PLAT: variants seen among roughly 807,000 people sequenced by gnomAD.
PLAT encodes plasminogen activator, tissue type.
Under a neutral mutation model 74.9 loss-of-function variants are expected in PLAT, and 48 were observed. The ratio of observed to expected loss-of-function variants is 0.64; its 90% CI spans 0.51 to 0.82. The LOEUF is 0.82. PLAT is among the 40% of genes least tolerant of loss of function. PLAT has a pLI of 0.00. For synonymous variants in PLAT, 307 were observed against 294.4 expected, an observed-to-expected ratio of 1.04 and a Z score of -0.44; for missense variants, 673 against 736.2, an observed-to-expected ratio of 0.91 and a Z score of 0.99.
At position 42,180,245 on chromosome 8, in the gene PLAT, T is replaced by C; in HGVS notation, c.1219A>G (p.Ile407Val). The change falls in exon 11 of 14, where the codon ATT (isoleucine) becomes GTT (valine). Residue 407 changes from isoleucine (I) to valine (V), a missense_variant. By Grantham distance (29) the Ile-to-Val change is conservative. Coordinates refer to ENST00000220809, the MANE Select transcript of PLAT (RefSeq NM_000930.5). ...GCCGGGAATGACGAGCTCTTACCAA[T>C]GTCATTGTCGTAAGTGTCATCATCG... ...EFDDDTYDND[I>V]ALLQLKSDSS... is the part of the protein sequence containing the mutation. The C allele has an allele frequency of 6.2e-7, 1 of 1,614,194 alleles. No homozygotes were observed. Among genetic ancestry groups the C allele is most frequent in the Non-Finnish European group, 8.5e-7 (1 of 1,180,020 alleles).
intron 1 of PLAT, among the ~76,000 whole-genome samples, chr8:42,194,015 G>A (rs1392443183): frequency 4.5e-5 from 6 of 133,758 alleles, no homozygotes; most frequent in African/African-American, 1.4e-4. Flanking sequence ...CGCCCCCGCT[G>A]CCTTTTTTTC....
At chr8:42,178,264 CTTTTTTTT>C (rs5891180) in intron 13 of PLAT, among the ~76,000 whole-genome samples, 1 of 110,072 alleles carries the variant, frequency 9.1e-6, no homozygotes, top group African/African-American at 3.7e-5. Context: ...ACATTTCTTT[CTTTTTTTT>C]TTTTTTTTTT....
At chr8:42,188,806 A>G in intron 4 of PLAT, 128 bp downstream of exon 4, 1 of 732,466 alleles carries the variant, frequency 1.4e-6, no homozygotes. Flanking sequence ...TATTTTTTGT[A>G]GAGACAGGGG....
At chr8:42,189,740 A>C (rs891602970) in intron 3 of PLAT, among the ~76,000 whole-genome samples, 4 of 150,722 alleles carry the variant, frequency 2.7e-5, no homozygotes, top group Non-Finnish European at 5.9e-5. Context: ...CTGGGATTAC[A>C]GGTGCCCGAT....
At position 42,182,889 on chromosome 8, in the gene PLAT, T is replaced by G. The variant is rs1219646897; in HGVS notation, c.633A>C (p.Gly211=). ...EFCSTPACSE[G]NSDCYFGNGS... Reference sequence around the variant, plus strand: ...CATTCCCAAAGTAGCAGTCACTGTTTCCTAGAAGAAAAGAATTCTCAAACT... The same window carrying G: ...CATTCCCAAAGTAGCAGTCACTGTTGCCTAGAAGAAAAGAATTCTCAAACT... The change falls in exon 8 of 14, where the codon GGA becomes GGC. Residue 211 remains glycine, a splice_region_variant and synonymous_variant. Coordinates refer to ENST00000220809, the MANE Select transcript of PLAT (RefSeq NM_000930.5). 1 of 1,607,294 alleles carries G rather than the reference T, an allele frequency of 6.2e-7. No homozygotes were observed. Among genetic ancestry groups the G allele is most frequent in the Non-Finnish European group, 8.5e-7 (1 of 1,177,214 alleles).
rs1806282489 is a variant in PLAT, at chr8:42,205,122, C to G, written c.-27+2372G>C. ...CTAAAACAGTTCTGCTGAACTTCACCTTGGCAATGCAAATGGGTACAGGAC... is the reference window on the plus strand; with the variant it reads ...CTAAAACAGTTCTGCTGAACTTCACGTTGGCAATGCAAATGGGTACAGGAC... On this transcript the variant is annotated intron_variant, in intron 1 of 13. Transcript: ENST00000220809. Among the ~76,000 whole-genome samples, 2 of 152,208 alleles carry G rather than the reference C, an allele frequency of 1.3e-5. 1 individual carries two copies. Among genetic ancestry groups the G allele is most frequent in the South Asian group, 4.1e-4 (2 of 4,836 alleles).
rs572772299 is a variant in PLAT, at chr8:42,179,796, AGACGGGACTGGCGTCAGTGCCTGACCCGG to A, written c.1363+101_1363+129del. The A allele has an allele frequency of 5.7e-3, 5,112 of 900,836 alleles. 165 individuals are homozygous for A. In the African/African-American group the frequency reaches 0.073, roughly 13 times the overall value. The allele number at this position is 900,836 out of a possible 1,614,324, so 55.8% of individuals were successfully genotyped here. ...AGAGACGGGCCCCCACGACACAGGG[AGACGGGACTGGCGTCAGTGCCTGACCCGG>A]GGCTGGAACTTCGGTCTCCTGACCC... On this transcript the variant is annotated intron_variant, in intron 12 of 13. Transcript: ENST00000220809.
Position 42,195,983 on chromosome 8 carries a change from A to G in PLAT, c.-26-2772T>C, listed in dbSNP as rs951100573. On this transcript the variant is annotated intron_variant, in intron 1 of 13. Coordinates refer to ENST00000220809, the MANE Select transcript of PLAT (RefSeq NM_000930.5). The stretch of plus-strand genomic sequence containing the variant: ...AGGCTCCTGCACCCCAGCCTGGGAT[A>G]CAGTTTGGGTGTTTTTTCCAGATGC... Among the ~76,000 whole-genome samples the G allele has an allele frequency of 7.2e-5, 11 of 152,176 alleles. No individual in the cohort carries two copies. In the East Asian group the frequency reaches 2.1e-3, roughly 29 times the overall value.
rs1804945700 is a variant in PLAT, at chr8:42,175,807, C to T, written c.*186G>A. 3.5e-6 allele frequency: 2 copies of T among 575,760 alleles called. No homozygotes were observed. The highest frequency in any genetic ancestry group is 2.9e-5 in the East Asian group (1 of 34,750). 35.7% of individuals were successfully genotyped at this position (575,760 alleles called of 1,614,324 possible). A position where few individuals can be genotyped will look rare whatever the true frequency, so the allele number is the denominator to read the frequency against. ...AGAGTATCCTGAAATCAGACCAAGT[C>T]CTGAAAACTTCCAAAATGGGAAGTA... On this transcript the variant is annotated 3_prime_UTR_variant, in exon 14 of 14. Coordinates refer to ENST00000220809, the MANE Select transcript of PLAT (RefSeq NM_000930.5).
intron 10 of PLAT, 37 bp from the exon 11 acceptor site, chr8:42,180,415 G>A: frequency 1.2e-6 from 2 of 1,613,936 alleles, no homozygotes; most frequent in Non-Finnish European, 1.7e-6. Context: ...TTTTTTTGCT[G>A]TGGGATTTCC....
chr8:42,204,407 T>C (rs752329775), intron 1 of PLAT, among the ~76,000 whole-genome samples: 1 of 152,138 alleles, frequency 6.6e-6, no homozygotes, highest in African/African-American at 2.4e-5. Flanking sequence ...AAGTAAAAAA[T>C]TTATTCTGAG....
At chr8:42,200,761 C>T (rs1806099445) in intron 1 of PLAT, among the ~76,000 whole-genome samples, 1 of 150,786 alleles carries the variant, frequency 6.6e-6, no homozygotes, top group African/African-American at 2.4e-5. Flanking sequence ...GCCCAGGAGA[C>T]ACAGTTCTCT....
rs1805754541 is a variant in PLAT, at chr8:42,193,229, A to C, written c.-26-18T>G. 1.3e-6 allele frequency: 2 copies of C among 1,538,724 alleles called. No homozygotes were observed. Among genetic ancestry groups the C allele is most frequent in the Non-Finnish European group, 1.8e-6 (2 of 1,112,196 alleles). On this transcript the variant is annotated intron_variant, in intron 1 of 13. Transcript: ENST00000220809. Reference sequence around the variant, plus strand: ...CTTAAATTCTGGAAGGAGAGAAAAAACAGCTTGATCACGGGGTGCGAGAGG... The same window carrying C: ...CTTAAATTCTGGAAGGAGAGAAAAACCAGCTTGATCACGGGGTGCGAGAGG...
intron 1 of PLAT, 78 bp from the exon 2 acceptor site, chr8:42,193,289 G>A: frequency 1.1e-6 from 1 of 919,728 alleles, no homozygotes; most frequent in Non-Finnish European, 1.7e-6. Flanking sequence ...AAGCCGCAAT[G>A]TTGTCCTGTC....
intron 1 of PLAT, among the ~76,000 whole-genome samples, chr8:42,202,355 G>A (rs1039834457): frequency 5.9e-5 from 9 of 151,990 alleles, no homozygotes; most frequent in African/African-American, 2.2e-4. Context: ...ATCCATACTG[G>A]GTTATCGGGT....
chr8:42,201,840 T>C (rs1010445165), intron 1 of PLAT, among the ~76,000 whole-genome samples: 6 of 152,158 alleles, frequency 3.9e-5, no homozygotes, highest in African/African-American at 1.2e-4. Flanking sequence ...AGAGGCATCA[T>C]GTGAGAGAAA....
At chr8:42,196,007 G>A (rs946081379) in intron 1 of PLAT, among the ~76,000 whole-genome samples, 3 of 152,152 alleles carry the variant, frequency 2.0e-5, no homozygotes, top group African/African-American at 7.2e-5. Flanking sequence ...TTTTCCAGAT[G>A]CCCACCAAGT....
chr8:42,178,074 T>C (rs903131906), intron 13 of PLAT, among the ~76,000 whole-genome samples: 1 of 152,204 alleles, frequency 6.6e-6, no homozygotes, highest in Admixed American at 6.5e-5. Context: ...AAGTACTAAT[T>C]CTGATAAGGA....
intron 4 of PLAT, 81 bp downstream of exon 4, chr8:42,188,853 G>C: frequency 1.6e-6 from 2 of 1,258,368 alleles, no homozygotes; most frequent in South Asian, 1.3e-5. Flanking sequence ...TTGAACTCCC[G>C]GGCTCCAGCG....
Sources: allele counts gnomAD v4.1 joint callset (sites outside exome capture counted in the v4.1 genomes callset), GRCh38; gene constraint gnomAD v4.1.1; transcripts MANE v1.5; gene names NCBI Gene and HGNC (gene_info 2026-07-23, HGNC 2026-07-21).